PRDM1: variants seen among roughly 807,000 people sequenced by gnomAD.
The protein encoded by PRDM1 is PR domain zinc finger protein 1.
A neutral mutation model predicts 62.8 loss-of-function variants in PRDM1; 13 were observed. The observed-to-expected ratio is 0.21, with a 90% confidence interval of 0.13 to 0.33. PRDM1 has a LOEUF of 0.33. Ranked by LOEUF, PRDM1 falls within the 10% of genes least tolerant of loss-of-function variation. The probability of loss-of-function intolerance (pLI) is 1.00; values close to 1 mark genes in which losing one functional copy is unlikely to be tolerated. For synonymous variants in PRDM1, 396 were observed against 417.6 expected, an observed-to-expected ratio of 0.95 and a Z score of 0.63; for missense variants, 895 against 1,058.8, an observed-to-expected ratio of 0.85 and a Z score of 2.15.
chr6:106,091,670 C>T (rs936440040), intron 2 of PRDM1, among the ~76,000 whole-genome samples: 20 of 152,072 alleles, frequency 1.3e-4, no homozygotes, highest in African/African-American at 4.8e-4. Context: ...ATCCCAGCTA[C>T]CTGAGAGGCT....
rs537166107 is a variant in PRDM1 at position 106,078,365 on chromosome 6, C to T, written c.-66-9836C>T. 59 of 152,204 alleles carry T rather than the reference C, an allele frequency of 3.9e-4. 1 individual carries two copies. The highest frequency in any genetic ancestry group is 1.8e-3 in the Admixed American group (28 of 15,286). The allele number at this position is 152,204 out of a possible 1,614,324, so 9.4% of individuals were successfully genotyped here. ...CCAGTTTAGAATTTCCTCAGAAGGG[C>T]AAAATTAAAGGGTGACTGCTGTCAT... On this transcript the variant is annotated intron_variant, in intron 1 of 6. Transcript: ENST00000651185.
intron 3 of PRDM1, chr6:106,098,599 G>A: frequency 7.6e-7 from 1 of 1,313,786 alleles, no homozygotes; most frequent in Non-Finnish European, 1.0e-6. Flanking sequence ...GTCTGGACAT[G>A]TTTATCAAGA....
At chr6:106,026,537 A>C (rs1486584618) in intron 1 of PRDM1, among the ~76,000 whole-genome samples, 1 of 152,058 alleles carries the variant, frequency 6.6e-6, no homozygotes, top group African/African-American at 2.4e-5. Flanking sequence ...AAAACTGAAC[A>C]ATGTTTTCGT....
intron 1 of PRDM1, among the ~76,000 whole-genome samples, chr6:106,061,591 T>C (rs976716349): frequency 6.6e-6 from 1 of 152,236 alleles, no homozygotes; most frequent in Non-Finnish European, 1.5e-5. Context: ...CTACTTCATT[T>C]TGGCCACCCT....
At chr6:106,059,591 C>T (rs1479544665) in intron 1 of PRDM1, among the ~76,000 whole-genome samples, 1 of 152,050 alleles carries the variant, frequency 6.6e-6, no homozygotes, top group Non-Finnish European at 1.5e-5. Flanking sequence ...CAAGTTTTAC[C>T]ATTGGAGTGA....
chr6:106,028,746 C>A (rs970812221), intron 1 of PRDM1, among the ~76,000 whole-genome samples: 4 of 151,926 alleles, frequency 2.6e-5, no homozygotes, highest in African/African-American at 9.7e-5. Context: ...CCATTAGCAA[C>A]CCCCACCCCC....
chr6:106,012,509 C>T (rs1015503843), intron 1 of PRDM1, among the ~76,000 whole-genome samples: 1 of 151,878 alleles, frequency 6.6e-6, no homozygotes, highest in Non-Finnish European at 1.5e-5. Context: ...TACACACATA[C>T]CATACTACAC....
intron 1 of PRDM1, among the ~76,000 whole-genome samples, chr6:106,030,891 G>A (rs1772834729): frequency 6.6e-6 from 1 of 151,816 alleles, no homozygotes; most frequent in Non-Finnish European, 1.5e-5. Context: ...TATCTGAAGT[G>A]ATCCTATTTT....
chr6:106,102,873 T>C (rs1446530093), intron 4 of PRDM1, among the ~76,000 whole-genome samples: 2 of 152,190 alleles, frequency 1.3e-5, no homozygotes, highest in Non-Finnish European at 2.9e-5. Flanking sequence ...TTTGACCCTA[T>C]ATAGATGTTT....
intron 1 of PRDM1, among the ~76,000 whole-genome samples, chr6:106,058,667 G>T (rs140735706): frequency 0.013 from 1,995 of 152,200 alleles, 50 homozygotes; most frequent in African/African-American, 0.045. Context: ...CTGCCTCCTG[G>T]GTTCAAGTGA....
chr6:106,086,223 T>C (rs1178429846), upstream of PRDM1: 5 of 368,010 alleles, frequency 1.4e-5, no homozygotes, highest in Admixed American at 1.7e-4. Context: ...GCTAGCAATC[T>C]GGGGGAAAGC....
intron 3 of PRDM1, among the ~76,000 whole-genome samples, chr6:106,096,855 G>GT (rs1279962451): frequency 6.6e-6 from 1 of 152,158 alleles, no homozygotes; most frequent in Admixed American, 6.5e-5. Flanking sequence ...TTTAGTAAGC[G>GT]TTTTTTTGTG....
chr6:106,086,738 T>A lies in PRDM1; in HGVS notation c.42+143T>A, dbSNP rs1179092247. Reference sequence around the variant, plus strand: ...TTCTGCTTTAGTGCACTTAGTGCTGTCAAACATTTGTGAGACTTTCCTTAT... The same window carrying A: ...TTCTGCTTTAGTGCACTTAGTGCTGACAAACATTTGTGAGACTTTCCTTAT... On this transcript the variant is annotated intron_variant, in intron 1 of 6. Coordinates refer to ENST00000369096, the MANE Select transcript of PRDM1 (RefSeq NM_001198.4). 4.3e-6 allele frequency: 3 copies of A among 702,858 alleles called. No individual in the cohort carries two copies. In the East Asian group the frequency reaches 8.2e-5, roughly 19 times the overall value. 43.5% of individuals were successfully genotyped at this position (702,858 alleles called of 1,614,324 possible).
chr6:106,086,666 G>GTTA (rs531371525), intron 1 of PRDM1, 71 bp downstream of exon 1: 5 of 1,362,776 alleles, frequency 3.7e-6, no homozygotes, highest in Non-Finnish European at 5.0e-6. Context: ...TTCCTTTATT[G>GTTA]TTATTATTAT....
chr6:106,039,890 G>T (rs960707482), intron 1 of PRDM1, among the ~76,000 whole-genome samples: 1 of 152,190 alleles, frequency 6.6e-6, no homozygotes, highest in Non-Finnish European at 1.5e-5. Context: ...CCTATTTCCC[G>T]AATGGCAATT....
At chr6:106,012,472 TCACA>T (rs996580593) in intron 1 of PRDM1, among the ~76,000 whole-genome samples, 3 of 145,120 alleles carry the variant, frequency 2.1e-5, no homozygotes, top group Admixed American at 1.4e-4. Context: ...CCCTCCACAT[TCACA>T]CACACACACA....
intron 1 of PRDM1, among the ~76,000 whole-genome samples, chr6:106,011,625 G>A (rs774940243): frequency 3.6e-4 from 54 of 151,840 alleles, no homozygotes; most frequent in Non-Finnish European, 5.6e-4. Context: ...CTCACCCCCC[G>A]CCCCCTGCAA....
rs575240599 is a variant in PRDM1, at chr6:106,020,219, G to T, written c.-67+26580G>T. On this transcript the variant is annotated intron_variant, in intron 1 of 6. Coordinates refer to the PRDM1 transcript ENST00000652320. Reference sequence around the variant, plus strand: ...AAAACCCACAAACAAACAAAAACATGAAAGTTAAAAAGAGAGGGAACCAAT... The same window carrying T: ...AAAACCCACAAACAAACAAAAACATTAAAGTTAAAAAGAGAGGGAACCAAT... 5.3e-5 allele frequency among the ~76,000 whole-genome samples: 8 copies of T among 149,888 alleles called. No homozygotes were observed. In the South Asian group the frequency reaches 1.7e-3, roughly 32 times the overall value.
At chr6:106,006,388 C>A (rs944249557) in intron 1 of PRDM1, among the ~76,000 whole-genome samples, 26 of 152,166 alleles carry the variant, frequency 1.7e-4, no homozygotes, top group African/African-American at 5.3e-4. Context: ...CCTCCACAGA[C>A]CCCTATCTAA....
Sources: allele counts gnomAD v4.1 joint callset (sites outside exome capture counted in the v4.1 genomes callset), GRCh38; gene constraint gnomAD v4.1.1; transcripts MANE v1.5; gene names NCBI Gene and HGNC (gene_info 2026-07-23, HGNC 2026-07-21).